EVI2B: variants seen among roughly 807,000 people sequenced by gnomAD.
The protein encoded by EVI2B is ecotropic viral integration site 2B.
A neutral mutation model predicts 6.6 loss-of-function variants in EVI2B; 4 were observed. The ratio of observed to expected loss-of-function variants is 0.61; its 90% CI spans 0.30 to 1.39. The LOEUF (loss-of-function observed/expected upper bound fraction) is 1.39, where lower values mean the gene tolerates loss of function less well. Among genes scored for constraint, EVI2B ranks in the 40% most tolerant of loss-of-function variants. The pLI, the probability that EVI2B is intolerant of heterozygous loss-of-function variation, is 0.08. For missense variants in EVI2B, 484 were observed against 516.6 expected, an observed-to-expected ratio of 0.94 and a Z score of 0.61; for synonymous variants, 181 against 186.8, an observed-to-expected ratio of 0.97 and a Z score of 0.25.
rs780925531 is a variant in EVI2B, at chr17:31,303,842, A to C, written c.*421T>G. On this transcript the variant is annotated 3_prime_UTR_variant, in exon 2 of 2. Coordinates refer to ENST00000330927, the MANE Select transcript of EVI2B (RefSeq NM_006495.4). ...ATATTTATTTAATACTTGAGGTATT[A>C]ATTTAAAACTTGAAGCATATACTTA... 66 of 153,296 alleles carry C rather than the reference A, an allele frequency of 4.3e-4. No individual in the cohort carries two copies. Among genetic ancestry groups the C allele is most frequent in the Non-Finnish European group, 8.4e-4 (58 of 68,704 alleles). 9.5% of individuals were successfully genotyped at this position (153,296 alleles called of 1,614,324 possible). A position where few individuals can be genotyped will look rare whatever the true frequency, so the allele number is the denominator to read the frequency against.
intron 1 of EVI2B, among the ~76,000 whole-genome samples, chr17:31,307,450 G>A (rs9903754): frequency 0.48 from 73,427 of 152,108 alleles, 22,207 homozygotes; most frequent in African/African-American, 0.86. Flanking sequence ...AACTAATTAA[G>A]TTTCCAGCCA....
At chr17:31,313,831 A>AT in intron 1 of EVI2B, 148 bp downstream of exon 1, 1 of 381,872 alleles carries the variant, frequency 2.6e-6, no homozygotes, top group Non-Finnish European at 4.6e-6. Flanking sequence ...TGAACTGAGT[A>AT]TTTTTTAATT....
At chr17:31,310,683 C>T (rs1202887431) in intron 1 of EVI2B, among the ~76,000 whole-genome samples, 1 of 151,988 alleles carries the variant, frequency 6.6e-6, no homozygotes, top group Non-Finnish European at 1.5e-5. Flanking sequence ...AGCAATTATT[C>T]CAAAGAACCC....
At position 31,305,272 on chromosome 17, in the gene EVI2B, G is replaced by T; in HGVS notation, c.338C>A (p.Ala113Asp). Reference sequence around the variant, plus strand: ...CACGGCTTGCTGGGAGGAGGTGTTGGCTATTGGTGTTGGTTGTTTGGTGTT... The same window carrying T: ...CACGGCTTGCTGGGAGGAGGTGTTGTCTATTGGTGTTGGTTGTTTGGTGTT... ...AYNTKQPTPI[A>D]NTSSQQAVFT... Residue 113 changes from alanine to aspartate, a missense_variant, in exon 2 of 2, where the codon GCC (alanine) becomes GAC (aspartate). Transcript: ENST00000330927. The T allele has an allele frequency of 6.2e-7, 1 of 1,614,160 alleles. No homozygotes were observed.
Position 31,304,471 on chromosome 17 carries a change from A to T in EVI2B, c.1139T>A (p.Leu380His). Residue 380 changes from leucine (L) to histidine (H), a missense_variant, in exon 2 of 2, where the codon CTC (leucine) becomes CAC (histidine). Transcript: ENST00000330927. Reference protein sequence around the residue: ...STSLPPSLDCLNQDCGDHKSE... With the variant: ...STSLPPSLDCHNQDCGDHKSE... ...TTTATGATCTCCACAGTCTTGATTG[A>T]GACAGTCCAGAGATGGAGGGAGACT... is the stretch of plus-strand genomic sequence containing the variant. 6.2e-7 allele frequency: 1 copy of T among 1,614,164 alleles called. No homozygotes were observed. Among genetic ancestry groups the T allele is most frequent in the Non-Finnish European group, 8.5e-7 (1 of 1,180,008 alleles).
chr17:31,304,568 C>T lies in EVI2B; in HGVS notation c.1042G>A (p.Glu348Lys). The T allele has an allele frequency of 1.9e-6, 3 of 1,614,134 alleles. No individual in the cohort carries two copies. Among genetic ancestry groups the T allele is most frequent in the Non-Finnish European group, 2.5e-6 (3 of 1,180,018 alleles). ...LPPPPPLLDL[E>K]GQESNQSDKP... ...TCAGATTGGTTACTTTCCTGTCCTT[C>T]CAAATCCAGAAGGGGAGGTGGTGGA... The change falls in exon 2 of 2, where the codon GAA (glutamate) becomes AAA (lysine). Residue 348 changes from glutamate to lysine, a missense_variant. By Grantham distance (56) the Glu-to-Lys change is moderately conservative. Transcript: ENST00000330927.
chr17:31,309,847 G>T (rs1380078760), intron 1 of EVI2B, among the ~76,000 whole-genome samples: 1 of 152,170 alleles, frequency 6.6e-6, no homozygotes, highest in Non-Finnish European at 1.5e-5. Context: ...TCAGTTAACG[G>T]TTATGGCAAT....
chr17:31,308,978 C>T (rs1373253662), intron 1 of EVI2B, among the ~76,000 whole-genome samples: 3 of 152,168 alleles, frequency 2.0e-5, no homozygotes, highest in African/African-American at 7.2e-5. Context: ...TTATCTAGAG[C>T]ATATTATGTG....
At position 31,305,591 on chromosome 17, in the gene EVI2B, T is replaced by C; in HGVS notation, c.19A>G (p.Ile7Val). ...AGGTGTCCACAAAACAAAATTAAGA[T>C]GAAATATTTGGGATCCATTTCAGAA... MDPKYFILILFCGHLNN... is the reference protein window; with the variant it reads MDPKYFVLILFCGHLNN... The change falls in exon 2 of 2, where the codon ATC (isoleucine) becomes GTC (valine). Residue 7 changes from isoleucine to valine, a missense_variant. Physicochemically the swap from Ile to Val is conservative, Grantham distance 29. Coordinates refer to ENST00000330927, the MANE Select transcript of EVI2B (RefSeq NM_006495.4). 1 of 1,612,744 alleles carries C rather than the reference T, an allele frequency of 6.2e-7. No homozygotes were observed. Among genetic ancestry groups the C allele is most frequent in the Non-Finnish European group, 8.5e-7 (1 of 1,179,370 alleles).
chr17:31,308,007 A>G, intron 1 of EVI2B: 1 of 964,568 alleles, frequency 1.0e-6, no homozygotes, highest in Non-Finnish European at 1.4e-6. Flanking sequence ...CTATACGAAT[A>G]ATTCAAGCCT....
intron 1 of EVI2B, among the ~76,000 whole-genome samples, chr17:31,312,006 G>A (rs927873771): frequency 4.6e-5 from 7 of 151,716 alleles, no homozygotes; most frequent in South Asian, 2.1e-4. Context: ...AATTTGGAAT[G>A]GTTTCTATAA....
intron 1 of EVI2B, among the ~76,000 whole-genome samples, chr17:31,310,990 G>A (rs922753365): frequency 4.8e-5 from 7 of 146,542 alleles, no homozygotes; most frequent in African/African-American, 1.5e-4. Context: ...TCTGTCACCC[G>A]GGTTGCAGTG....
rs773214501 is a variant in EVI2B at position 31,304,451 on chromosome 17, G to C, written c.1159C>G (p.His387Asp). The C allele has an allele frequency of 2.5e-6, 4 of 1,614,004 alleles. No homozygotes were observed. The highest frequency in any genetic ancestry group is 1.7e-5 in the Admixed American group (1 of 60,000). Residue 387 changes from histidine to aspartate, a missense_variant, in exon 2 of 2, where the codon CAT (histidine) becomes GAT (aspartate). Physicochemically the swap from His to Asp is moderately conservative, Grantham distance 81. Coordinates refer to ENST00000330927, the MANE Select transcript of EVI2B (RefSeq NM_006495.4). Reference protein sequence around the residue: ...LDCLNQDCGDHKSEIIQSFPP... With the variant: ...LDCLNQDCGDDKSEIIQSFPP... ...AATGATTGTATTATCTCAGATTTAT[G>C]ATCTCCACAGTCTTGATTGAGACAG...
intron 1 of EVI2B, among the ~76,000 whole-genome samples, chr17:31,313,439 C>CA (rs1178950710): frequency 6.6e-6 from 1 of 152,066 alleles, no homozygotes; most frequent in Non-Finnish European, 1.5e-5. Flanking sequence ...AGCGGTGGCT[C>CA]ACTCCTGTAA....
intron 1 of EVI2B, among the ~76,000 whole-genome samples, chr17:31,309,787 A>G (rs887408102): frequency 2.6e-5 from 4 of 152,196 alleles, no homozygotes; most frequent in Non-Finnish European, 5.9e-5. Context: ...CCTATCCTCT[A>G]CTGTCAGTAG....
Position 31,305,565 on chromosome 17 carries a change from C to T in EVI2B, c.45G>A (p.Leu15=), listed in dbSNP as rs762833164. 17 of 1,613,618 alleles carry T rather than the reference C, an allele frequency of 1.1e-5. No individual in the cohort carries two copies. In the East Asian group the frequency reaches 3.6e-4, roughly 34 times the overall value. Residue 15 remains leucine, a synonymous_variant, in exon 2 of 2, where the codon CTG becomes CTA. Transcript: ENST00000330927. ...CTGTCTTTGAAAAAAATGTATTGTTCAGGTGTCCACAAAACAAAATTAAGA... is the reference window on the plus strand; with the variant it reads ...CTGTCTTTGAAAAAAATGTATTGTTTAGGTGTCCACAAAACAAAATTAAGA... ...YFILILFCGH[L]NNTFFSKTET...
intron 1 of EVI2B, among the ~76,000 whole-genome samples, 193 bp downstream of exon 1, chr17:31,313,785 TA>T (rs1474859669): frequency 6.6e-6 from 1 of 151,244 alleles, no homozygotes; most frequent in African/African-American, 2.4e-5. Context: ...AAAGGTCTTA[TA>T]CAAACCTAGG....
chr17:31,309,050 G>C (rs1325949953), intron 1 of EVI2B, among the ~76,000 whole-genome samples: 1 of 152,094 alleles, frequency 6.6e-6, no homozygotes, highest in Non-Finnish European at 1.5e-5. Flanking sequence ...TTATAAGGAA[G>C]GTAAAGGGAT....
chr17:31,308,145 CTT>C (rs953335153), intron 1 of EVI2B, among the ~76,000 whole-genome samples: 1 of 145,662 alleles, frequency 6.9e-6, no homozygotes, highest in African/African-American at 2.5e-5. Context: ...CTTCCTTTTT[CTT>C]TTTTTTTTTG....
Sources: allele counts gnomAD v4.1 joint callset (sites outside exome capture counted in the v4.1 genomes callset), GRCh38; gene constraint gnomAD v4.1.1; transcripts MANE v1.5; gene names NCBI Gene and HGNC (gene_info 2026-07-23, HGNC 2026-07-21).